C11orf54: variants seen among roughly 807,000 people sequenced by gnomAD.
C11orf54 encodes beta-keto-L-gulonate decarboxylase, also known as beta-keto L-gulonate decarboxylase.
Under a neutral mutation model 35.5 loss-of-function variants are expected in C11orf54, and 29 were observed. The observed-to-expected ratio is 0.82, with a 90% CI of 0.61 to 1.11. The LOEUF (loss-of-function observed/expected upper bound fraction) is 1.11, where lower values mean the gene tolerates loss of function less well. Ranked by LOEUF, C11orf54 falls within the 50% of genes most tolerant of loss-of-function variation. The probability of loss-of-function intolerance (pLI) is 0.00; values close to 1 mark genes in which losing one functional copy is unlikely to be tolerated. For synonymous variants in C11orf54, 108 were observed against 121.1 expected (o/e 0.89, Z 0.71); for missense variants, 373 against 369.2 (o/e 1.01, Z -0.08).
chr11:93,755,185 A>C (rs1180013464), intron 5 of C11orf54, 25 bp from the exon 6 acceptor site: 1 of 1,607,540 alleles, frequency 6.2e-7, no homozygotes, highest in South Asian at 1.1e-5. Flanking sequence ...ACAAAGATTG[A>C]CTAATTGCCT....
chr11:93,761,743 CTT>C lies in C11orf54; in HGVS notation c.*56_*57del, dbSNP rs1943490988. 2 of 1,433,696 alleles carry C rather than the reference CTT, an allele frequency of 1.4e-6. No homozygotes were observed. The highest frequency in any genetic ancestry group is 5.0e-5 in the East Asian group (2 of 39,706). The allele number at this position is 1,433,696 out of a possible 1,614,324, so 88.8% of individuals were successfully genotyped here. A position where few individuals can be genotyped will look rare whatever the true frequency, so the allele number is the denominator to read the frequency against. On this transcript the variant is annotated 3_prime_UTR_variant, in exon 9 of 9. Transcript: ENST00000354421. ...TAATTAAGGTTAATTAATTGATTGACTTATTAATTAATACTGATATAAAACCA... is the reference window on the plus strand; with the variant it reads ...TAATTAAGGTTAATTAATTGATTGACATTAATTAATACTGATATAAAACCA...
Position 93,761,516 on chromosome 11 carries a change from G to A in C11orf54, c.776G>A (p.Gly259Glu). ...CATATTGTTTGTCTGTTATCTTAGGGGTTTGATTTGCGACTGGAGCACACT... is the reference window on the plus strand; with the variant it reads ...CATATTGTTTGTCTGTTATCTTAGGAGTTTGATTTGCGACTGGAGCACACT... ...CLPVFVSRDP[G>E]FDLRLEHTHF... is the part of the protein sequence containing the mutation. Residue 259 changes from glycine (G) to glutamate (E), a missense_variant and splice_region_variant, in exon 9 of 9, where the codon GGG (glycine) becomes GAG (glutamate). Transcript: ENST00000354421. 1.9e-6 allele frequency: 3 copies of A among 1,602,444 alleles called. No homozygotes were observed. Among genetic ancestry groups the A allele is most frequent in the Non-Finnish European group, 1.7e-6 (2 of 1,175,148 alleles).
chr11:93,761,483 A>G, intron 8 of C11orf54, 32 bp from the exon 9 acceptor site: 2 of 1,539,104 alleles, frequency 1.3e-6, no homozygotes, highest in Non-Finnish European at 1.8e-6. Flanking sequence ...CAATAATTTG[A>G]GTACTAACAT....
intron 6 of C11orf54, among the ~76,000 whole-genome samples, chr11:93,757,032 ACT>A (rs938701268): frequency 3.9e-5 from 6 of 152,144 alleles, no homozygotes; most frequent in African/African-American, 7.2e-5. Flanking sequence ...GAGTCTCTAG[ACT>A]CTCTGCACTG....
Position 93,761,694 on chromosome 11 carries a change from C to G in C11orf54, c.*6C>G. On this transcript the variant is annotated 3_prime_UTR_variant, in exon 9 of 9. Transcript: ENST00000354421. Reference sequence around the variant, plus strand: ...ATTCAATTGGGCGAGATTAAATCAGCTGATACTTATTTAGAAAAAGAAATA... The same window carrying G: ...ATTCAATTGGGCGAGATTAAATCAGGTGATACTTATTTAGAAAAAGAAATA... 6.4e-7 allele frequency: 1 copy of G among 1,555,652 alleles called. No homozygotes were observed. The highest frequency in any genetic ancestry group is 8.7e-7 in the Non-Finnish European group (1 of 1,155,346).
At chr11:93,760,781 C>T (rs1591369857) in intron 8 of C11orf54, among the ~76,000 whole-genome samples, 1 of 152,092 alleles carries the variant, frequency 6.6e-6, no homozygotes, top group East Asian at 1.9e-4. Context: ...GCCTCACCCT[C>T]CTGAGTAGCT....
chr11:93,750,882 G>C (rs1942777627), intron 3 of C11orf54, among the ~76,000 whole-genome samples: 1 of 152,228 alleles, frequency 6.6e-6, no homozygotes, highest in Non-Finnish European at 1.5e-5. Flanking sequence ...TTTGAAGTGA[G>C]AAGGAAGGGA....
chr11:93,753,686 C>CT lies in C11orf54; in HGVS notation c.160dup (p.Cys54LeufsTer5). On this transcript the variant is annotated frameshift_variant, in exon 4 of 9. Transcript: ENST00000354421. LOFTEE classifies it high-confidence loss of function. ...TGTTTTTTGGTTTTTTCTTAGGCAT[C>CT]TGTGGGAAAACTAGAATTGCAGAAG... 6.2e-7 allele frequency: 1 copy of CT among 1,613,636 alleles called. No homozygotes were observed. Among genetic ancestry groups the CT allele is most frequent in the Non-Finnish European group, 8.5e-7 (1 of 1,179,902 alleles).
intron 6 of C11orf54, among the ~76,000 whole-genome samples, chr11:93,756,944 TA>T (rs1451216954): frequency 2.0e-5 from 3 of 152,130 alleles, no homozygotes; most frequent in African/African-American, 7.2e-5. Flanking sequence ...CATCCCCACT[TA>T]CCAAAGGTTA....
chr11:93,755,468 G>C, intron 6 of C11orf54, 82 bp downstream of exon 6: 2 of 1,462,062 alleles, frequency 1.4e-6, no homozygotes, highest in South Asian at 2.6e-5. Context: ...CATAAATATG[G>C]TTTTGCTAAG....
In C11orf54 at chr11:93,764,095, T is replaced by A. The variant is rs948026666; in HGVS notation, c.*2407T>A. ...TCCCAAAGTGCTGGGATTACAGGCA[T>A]GGGCCACCATGTCTGGCGAGCACCC... is the stretch of plus-strand genomic sequence containing the variant. On this transcript the variant is annotated 3_prime_UTR_variant, in exon 9 of 9. Coordinates refer to ENST00000354421, the MANE Select transcript of C11orf54 (RefSeq NM_001286069.2). 1.3e-5 allele frequency: 2 copies of A among 152,280 alleles called. No individual in the cohort carries two copies. The highest frequency in any genetic ancestry group is 4.8e-5 in the African/African-American group (2 of 41,420). The allele number at this position is 152,280 out of a possible 1,614,324, so 9.4% of individuals were successfully genotyped here.
chr11:93,758,045 C>G (rs1174932507), intron 7 of C11orf54, among the ~76,000 whole-genome samples: 2 of 152,206 alleles, frequency 1.3e-5, no homozygotes, highest in Non-Finnish European at 2.9e-5. Flanking sequence ...CAGAGTGACT[C>G]ATGCCTGTAA....
rs777046889 is a variant in C11orf54, at chr11:93,755,318, G to T, written c.439G>T (p.Glu147Ter). The T allele has an allele frequency of 3.1e-6, 5 of 1,614,168 alleles. No homozygotes were observed. Among genetic ancestry groups the T allele is most frequent in the Admixed American group, 1.7e-5 (1 of 60,016 alleles). ...AGGGTGCCTACTGGAGAAATACAGT[G>T]AGAAATGTCATGATTTTCAGTGTGC... ...DGGCLLEKYS[E>*]KCHDFQCALL... is the part of the protein sequence containing the mutation. Residue 147 changes from glutamate to a stop codon, truncating the protein, a stop_gained, in exon 6 of 9, where the codon GAG (glutamate) becomes TAG (stop). Transcript: ENST00000354421. LOFTEE classifies it high-confidence loss of function.
In C11orf54 at chr11:93,763,002, T is replaced by C. The variant is rs1943541886; in HGVS notation, c.*1314T>C. On this transcript the variant is annotated 3_prime_UTR_variant, in exon 9 of 9. Coordinates refer to ENST00000354421, the MANE Select transcript of C11orf54 (RefSeq NM_001286069.2). ...ATATTTTTTAATTGTCTACTTTGGA[T>C]GTTAGCTATGTCTTGTGAGTATAAA... 1 of 152,246 alleles carries C rather than the reference T, an allele frequency of 6.6e-6. No homozygotes were observed. The highest frequency in any genetic ancestry group is 1.9e-4 in the East Asian group (1 of 5,204). 9.4% of individuals were successfully genotyped at this position (152,246 alleles called of 1,614,324 possible).
chr11:93,744,056 A>G (rs1459690853), intron 1 of C11orf54, among the ~76,000 whole-genome samples: 1 of 152,182 alleles, frequency 6.6e-6, no homozygotes, highest in Non-Finnish European at 1.5e-5. Flanking sequence ...AGTTCACATC[A>G]TTTTAGAATT....
chr11:93,751,661 T>G (rs1201951910), intron 3 of C11orf54, among the ~76,000 whole-genome samples: 1 of 151,596 alleles, frequency 6.6e-6, no homozygotes, highest in Admixed American at 6.6e-5. Flanking sequence ...ACCTCGGCCT[T>G]CCAAAGTGCT....
At position 93,753,962 on chromosome 11, in the gene C11orf54, A is replaced by C. The variant is rs1384812945; in HGVS notation, c.255A>C (p.Lys85Asn). ...TTTATGATCTGAATAAAATTGCAAAAGAAATCAAGCTGCCTGGAGCCTTTA... is the reference window on the plus strand; with the variant it reads ...TTTATGATCTGAATAAAATTGCAAACGAAATCAAGCTGCCTGGAGCCTTTA... The part of the protein sequence containing the change: ...KKVYDLNKIA[K>N]EIKLPGAFIL... The change falls in exon 5 of 9, where the codon AAA (lysine) becomes AAC (asparagine). Residue 85 changes from lysine to asparagine, a missense_variant. Transcript: ENST00000354421. 1 of 1,614,032 alleles carries C rather than the reference A, an allele frequency of 6.2e-7. No homozygotes were observed. Among genetic ancestry groups the C allele is most frequent in the East Asian group, 2.2e-5 (1 of 44,880 alleles).
intron 7 of C11orf54, among the ~76,000 whole-genome samples, chr11:93,759,316 TA>T (rs1391811294): frequency 3.9e-5 from 6 of 152,118 alleles, no homozygotes; most frequent in Non-Finnish European, 8.8e-5. Context: ...TATGCAGCCA[TA>T]AAAAAGGATG....
intron 6 of C11orf54, among the ~76,000 whole-genome samples, chr11:93,756,737 T>G (rs1441729792): frequency 6.6e-6 from 1 of 152,154 alleles, no homozygotes; most frequent in African/African-American, 2.4e-5. Flanking sequence ...ATGCCTTACT[T>G]GATATTTACT....
Sources: gnomAD v4.1 joint callset for allele counts (sites outside exome capture counted in the v4.1 genomes callset) on GRCh38, gnomAD v4.1.1 for gene constraint, MANE v1.5 for transcripts, NCBI Gene and HGNC (gene_info 2026-07-23, HGNC 2026-07-21) for gene names.